LRP5: variants seen among roughly 807,000 people sequenced by gnomAD.
LRP5 encodes the protein LDL receptor related protein 5, also known as low-density lipoprotein receptor-related protein 5.
A neutral mutation model predicts 154.1 loss-of-function variants in LRP5; 62 were observed. The observed-to-expected ratio is 0.40, with a 90% confidence interval of 0.33 to 0.50. The LOEUF (loss-of-function observed/expected upper bound fraction) is 0.50. LRP5 is among the 20% of genes least tolerant of loss of function. The pLI is 0.55. For synonymous variants in LRP5, 966 were observed against 1,011.5 expected, an observed-to-expected ratio of 0.96 and a Z score of 0.85; for missense variants, 1,915 against 2,336.7, an observed-to-expected ratio of 0.82 and a Z score of 3.72.
At chr11:68,431,799 C>T (rs2098672055) in intron 17 of LRP5, among the ~76,000 whole-genome samples, 1 of 152,236 alleles carries the variant, frequency 6.6e-6, no homozygotes, top group Admixed American at 6.5e-5. Flanking sequence ...AGAAACGGGG[C>T]CGTCAGAACG....
At chr11:68,333,044 T>C (rs921678598) in intron 1 of LRP5, among the ~76,000 whole-genome samples, 2 of 152,226 alleles carry the variant, frequency 1.3e-5, no homozygotes, top group African/African-American at 2.4e-5. Flanking sequence ...ATTGTGTCAC[T>C]GACTTGGGTA....
At chr11:68,408,752 C>T (rs1182197553) in intron 9 of LRP5, among the ~76,000 whole-genome samples, 3 of 152,002 alleles carry the variant, frequency 2.0e-5, no homozygotes, top group South Asian at 2.1e-4. Context: ...TTTTATTTTG[C>T]GTGTGCTGGT....
In LRP5 at chr11:68,429,581, A is replaced by C. The variant is rs775175955; in HGVS notation, c.3644A>C (p.His1215Pro). 1 of 1,614,094 alleles carries C rather than the reference A, an allele frequency of 6.2e-7. No homozygotes were observed. The highest frequency in any genetic ancestry group is 8.5e-7 in the Non-Finnish European group (1 of 1,180,028). ...TCTTGTTTTGTCTTTGCAGCAGCCCACCCATGTGCCCGTGACAATGGTGGC... is the reference window on the plus strand; with the variant it reads ...TCTTGTTTTGTCTTTGCAGCAGCCCCCCCATGTGCCCGTGACAATGGTGGC... The part of the protein sequence containing the change: ...EEVSLEEFSA[H>P]PCARDNGGCS... Residue 1215 changes from histidine to proline, a missense_variant, in exon 17 of 23, where the codon CAC (histidine) becomes CCC (proline). His to Pro is a moderately conservative substitution (Grantham distance 77). Around this residue, in one of 3 missense-constraint regions of LRP5, gnomAD observed 1,094 missense variants for 1,210.1 expected, o/e 0.90. Transcript: ENST00000294304.
At chr11:68,417,449 CTTTTTTTTTTTTT>C (rs1161126346) in intron 13 of LRP5, among the ~76,000 whole-genome samples, 12 of 41,598 alleles carry the variant, frequency 2.9e-4, no homozygotes, top group African/African-American at 3.2e-4. Context: ...AACAGATTGG[CTTTTTTTTTTTTT>C]TTTTTTTTTT....
intron 9 of LRP5, among the ~76,000 whole-genome samples, chr11:68,407,335 A>AT (rs1361842073): frequency 1.3e-5 from 2 of 151,156 alleles, no homozygotes; most frequent in South Asian, 2.1e-4. Flanking sequence ...CACCCAGCTA[A>AT]TTTTTTTTAT....
intron 1 of LRP5, among the ~76,000 whole-genome samples, chr11:68,336,847 G>A (rs2098605982): frequency 6.6e-6 from 1 of 152,158 alleles, no homozygotes; most frequent in African/African-American, 2.4e-5. Flanking sequence ...GAAGTTCAGT[G>A]GCATTAAGAA....
intron 1 of LRP5, among the ~76,000 whole-genome samples, chr11:68,314,140 G>T (rs1452759770): frequency 6.6e-6 from 1 of 152,126 alleles, no homozygotes; most frequent in Non-Finnish European, 1.5e-5. Context: ...TCCTTTTTCC[G>T]GAAATGCCTG....
intron 1 of LRP5, among the ~76,000 whole-genome samples, chr11:68,340,272 T>A (rs2098608179): frequency 6.6e-6 from 1 of 152,016 alleles, no homozygotes. Flanking sequence ...ATAAAAGGAA[T>A]GATCACTTCC....
intron 1 of LRP5, among the ~76,000 whole-genome samples, chr11:68,322,314 C>T (rs1306712339): frequency 6.6e-6 from 1 of 152,236 alleles, no homozygotes; most frequent in African/African-American, 2.4e-5. Context: ...CAGTGAAAGC[C>T]TAGATTCAGA....
Position 68,406,555 on chromosome 11 carries a change from G to A in LRP5, c.1833G>A (p.Gly611=), listed in dbSNP as rs142126662. The change falls in exon 9 of 23, where the codon GGG becomes GGA. Residue 611 remains glycine, a synonymous_variant. Coordinates refer to ENST00000294304, the MANE Select transcript of LRP5 (RefSeq NM_002335.4). ...ACCCGTGTGCGGACAGGAACGGGGG[G>A]TGCAGCCACCTGTGCTTCTTCACAC... ...GTNPCADRNG[G]CSHLCFFTPH... The A allele has an allele frequency of 2.8e-5, 45 of 1,614,028 alleles. No homozygotes were observed. In the African/African-American group the frequency reaches 5.5e-4, roughly 20 times the overall value.
At chr11:68,334,888 A>G (rs971495375) in intron 1 of LRP5, among the ~76,000 whole-genome samples, 4 of 152,078 alleles carry the variant, frequency 2.6e-5, no homozygotes, top group African/African-American at 9.7e-5. Flanking sequence ...AAAATAAAAT[A>G]AAAGTGTGAG....
In LRP5 at chr11:68,312,767, T is replaced by C. The variant is rs1445972969; in HGVS notation, c.53T>C (p.Leu18Pro). The C allele has an allele frequency of 1.8e-6, 2 of 1,088,874 alleles. No homozygotes were observed. The highest frequency in any genetic ancestry group is 1.1e-6 in the Non-Finnish European group (1 of 890,650). 67.5% of individuals were successfully genotyped at this position (1,088,874 alleles called of 1,614,324 possible). ...TGGCCGCTGCTGCTGCTGCTGCTGC[T>C]GCTGCTGGCGCTGTGCGGCTGCCCG... is the stretch of plus-strand genomic sequence containing the variant. Reference protein sequence around the residue: ...PPWPLLLLLLLLLALCGCPAP... With the variant: ...PPWPLLLLLLPLLALCGCPAP... Residue 18 changes from leucine (L) to proline (P), a missense_variant, in exon 1 of 23, where the codon CTG (leucine) becomes CCG (proline). Transcript: ENST00000294304.
chr11:68,381,320 G>A (rs1202532515), intron 5 of LRP5, among the ~76,000 whole-genome samples: 3 of 152,196 alleles, frequency 2.0e-5, no homozygotes, highest in East Asian at 3.9e-4. Context: ...GGTTGGTGGC[G>A]ATGTGTCACG....
At position 68,312,795 on chromosome 11, in the gene LRP5, C is replaced by T. The variant is rs2098589389; in HGVS notation, c.81C>T (p.Ala27=). ...TGCTGGCGCTGTGCGGCTGCCCGGC[C>T]CCCGCCGCGGGTAGGTGGGCGCAGG... is the stretch of plus-strand genomic sequence containing the variant. ...LLLLALCGCP[A]PAAASPLLLF... is the part of the protein sequence containing the mutation. Residue 27 remains alanine (A), a synonymous_variant, in exon 1 of 23, where the codon GCC becomes GCT. Transcript: ENST00000294304. 6 of 1,077,664 alleles carry T rather than the reference C, an allele frequency of 5.6e-6. No homozygotes were observed. Among genetic ancestry groups the T allele is most frequent in the Non-Finnish European group, 6.8e-6 (6 of 885,878 alleles). The allele number at this position is 1,077,664 out of a possible 1,614,324, so 66.8% of individuals were successfully genotyped here. A position where few individuals can be genotyped will look rare whatever the true frequency, so the allele number is the denominator to read the frequency against.
chr11:68,351,237 C>T (rs1024018301), intron 2 of LRP5, among the ~76,000 whole-genome samples: 1 of 152,090 alleles, frequency 6.6e-6, no homozygotes, highest in Non-Finnish European at 1.5e-5. Flanking sequence ...GGCAACCACT[C>T]ATCCCTGGAG....
chr11:68,357,129 G>T lies in LRP5; in HGVS notation c.489-521G>T, dbSNP rs1241277805. 2.0e-5 allele frequency among the ~76,000 whole-genome samples: 3 copies of T among 152,102 alleles called. No homozygotes were observed. The East Asian group carries it at 5.8e-4, about 29-fold the overall frequency. On this transcript the variant is annotated intron_variant, in intron 2 of 22. Coordinates refer to ENST00000294304, the MANE Select transcript of LRP5 (RefSeq NM_002335.4). ...GTTTTGTATTTTTAGTAGGGACGGG[G>T]TTTCACTGTGTTAGCCAGGATGGTC...
intron 21 of LRP5, among the ~76,000 whole-genome samples, chr11:68,444,583 C>T (rs958727791): frequency 8.0e-6 from 1 of 124,734 alleles, no homozygotes; most frequent in Non-Finnish European, 1.7e-5. Flanking sequence ...CCCCACCCCC[C>T]ACCCTGGGCC....
At chr11:68,314,349 T>C (rs2098591345) in intron 1 of LRP5, among the ~76,000 whole-genome samples, 1 of 152,104 alleles carries the variant, frequency 6.6e-6, no homozygotes, top group Admixed American at 6.5e-5. Flanking sequence ...AGTTCAGTTG[T>C]GTGTGAGGCA....
Position 68,429,564 on chromosome 11 carries a change from T to G in LRP5, c.3638-11T>G, listed in dbSNP as rs780648798. On this transcript the variant is annotated splice_polypyrimidine_tract_variant and intron_variant, in intron 16 of 22. Transcript: ENST00000294304. Reference sequence around the variant, plus strand: ...AGCCTGACCTCTGTTTGTCTTGTTTTGTCTTTGCAGCAGCCCACCCATGTG... The same window carrying G: ...AGCCTGACCTCTGTTTGTCTTGTTTGGTCTTTGCAGCAGCCCACCCATGTG... 1.6e-5 allele frequency: 26 copies of G among 1,613,994 alleles called. No individual in the cohort carries two copies. Among genetic ancestry groups the G allele is most frequent in the Middle Eastern group, 1.7e-4 (1 of 6,034 alleles).
Sources: gnomAD v4.1 joint callset for allele counts (sites outside exome capture counted in the v4.1 genomes callset) on GRCh38, gnomAD v4.1.1 for gene constraint, gnomAD v4.1.1 regional missense constraint, MANE v1.5 for transcripts, NCBI Gene and HGNC (gene_info 2026-07-23, HGNC 2026-07-21) for gene names.